Variants in PTPN4 observed in about 807,000 individuals in gnomAD.
PTPN4 encodes tyrosine-protein phosphatase non-receptor type 4.
PTPN4 carries 49 observed loss-of-function variants against 135.5 expected under a neutral mutation model. That is an observed-to-expected ratio of 0.36 (90% confidence interval 0.29 to 0.46). PTPN4 has a LOEUF of 0.46. Ranked by LOEUF, PTPN4 falls within the 20% of genes least tolerant of loss-of-function variation. The probability of loss-of-function intolerance (pLI) is 1.00; values close to 1 mark genes in which losing one functional copy is unlikely to be tolerated. For synonymous variants in PTPN4, 333 were observed against 369.9 expected (o/e 0.90, Z 1.14); for missense variants, 860 against 1,101.0 (o/e 0.78, Z 3.10).
At chr2:119,938,984 A>T (rs1679025347) in intron 15 of PTPN4, among the ~76,000 whole-genome samples, 1 of 152,226 alleles carries the variant, frequency 6.6e-6, no homozygotes, top group African/African-American at 2.4e-5. Flanking sequence ...ACGTGGTTCC[A>T]CTACTTCTAA....
intron 1 of PTPN4, among the ~76,000 whole-genome samples, chr2:119,798,147 A>G (rs1247911517): frequency 6.6e-6 from 1 of 151,770 alleles, no homozygotes; most frequent in Non-Finnish European, 1.5e-5. Flanking sequence ...TTATACATAT[A>G]TACCAATTTT....
intron 2 of PTPN4, among the ~76,000 whole-genome samples, chr2:119,845,215 A>C (rs1426775193): frequency 1.0e-5 from 1 of 95,630 alleles, no homozygotes; most frequent in Non-Finnish European, 2.0e-5. Context: ...TCGGCTCCGC[A>C]TGAGAGGGAG....
chr2:119,976,813 CTG>C (rs1159487743), intron 26 of PTPN4, 169 bp from the exon 27 acceptor site: 25 of 1,198,588 alleles, frequency 2.1e-5, no homozygotes, highest in Non-Finnish European at 4.3e-6. Context: ...TATTGCCAAA[CTG>C]TATTTTTTAA....
chr2:119,808,171 A>G (rs9671110), intron 1 of PTPN4, among the ~76,000 whole-genome samples: 6 of 152,360 alleles, frequency 3.9e-5, no homozygotes, highest in African/African-American at 1.4e-4. Flanking sequence ...GGCACAAGAC[A>G]GGGATGCCCT....
At chr2:119,851,923 C>T (rs1677598530) in intron 2 of PTPN4, among the ~76,000 whole-genome samples, 1 of 152,184 alleles carries the variant, frequency 6.6e-6, no homozygotes, top group Admixed American at 6.5e-5. Context: ...TGCCTAACTA[C>T]CTGTAACACT....
Position 119,915,177 on chromosome 2 carries a change from A to G in PTPN4, c.765-2A>G. 6.5e-7 allele frequency: 1 copy of G among 1,529,152 alleles called. No homozygotes were observed. The highest frequency in any genetic ancestry group is 2.4e-5 in the Admixed American group (1 of 42,464). The allele number at this position is 1,529,152 out of a possible 1,614,324, so 94.7% of individuals were successfully genotyped here. On this transcript the variant is annotated splice_acceptor_variant, in intron 10 of 26. Transcript: ENST00000263708. LOFTEE classifies it high-confidence loss of function. ...TTGAATAATTTATTGTCTTTTGTCC[A>G]GGTTGAAGATTGTAAAAATTTCTTT...
chr2:119,900,308 A>G (rs1037244216), intron 9 of PTPN4, among the ~76,000 whole-genome samples: 3 of 152,052 alleles, frequency 2.0e-5, no homozygotes, highest in Non-Finnish European at 4.4e-5. Context: ...CAAACTCTGA[A>G]TTCCTCCATG....
intron 10 of PTPN4, among the ~76,000 whole-genome samples, chr2:119,910,866 C>T (rs1215818547): frequency 6.6e-6 from 1 of 151,978 alleles, no homozygotes; most frequent in African/African-American, 2.4e-5. Context: ...TACCCAGTCT[C>T]GGGCATGTCT....
At chr2:119,797,547 G>A (rs1011863101) in intron 1 of PTPN4, among the ~76,000 whole-genome samples, 30 of 152,176 alleles carry the variant, frequency 2.0e-4, no homozygotes, top group African/African-American at 7.0e-4. Flanking sequence ...TTCTGTAGAT[G>A]TCCTTTATCA....
At chr2:119,971,623 TTC>T (rs1403390085) in intron 26 of PTPN4, among the ~76,000 whole-genome samples, 3 of 152,346 alleles carry the variant, frequency 2.0e-5, no homozygotes, top group African/African-American at 7.2e-5. Context: ...CATTTTCTCT[TTC>T]TGTTTTCTTG....
At position 119,952,068 on chromosome 2, in the gene PTPN4, G is replaced by A; in HGVS notation, c.1752G>A (p.Leu584=). 1 of 1,613,452 alleles carries A rather than the reference G, an allele frequency of 6.2e-7. No individual in the cohort carries two copies. Residue 584 remains leucine (L), a synonymous_variant, in exon 19 of 27, where the codon CTG becomes CTA. Transcript: ENST00000263708. The part of the protein sequence containing the change: ...IAEHTHDQVV[L]FIKASCERHS... ...AACACACTCATGATCAGGTTGTGCT[G>A]TTTATTAAAGCTAGTTGTGAGAGAC...
rs1234179652 is a variant in PTPN4 at position 119,932,532 on chromosome 2, A to G, written c.1179A>G (p.Pro393=). Residue 393 remains proline, a synonymous_variant, in exon 14 of 27, where the codon CCA becomes CCG. Transcript: ENST00000263708. ...CACAAAGTCTTCCATCACGATCTCC[A>G]CCGGGAACTCCTAATCAGTAAGTGT... ...LETQSLPSRS[P]PGTPNHRNST... 4.3e-6 allele frequency: 7 copies of G among 1,610,788 alleles called. No individual in the cohort carries two copies. The highest frequency in any genetic ancestry group is 5.1e-6 in the Non-Finnish European group (6 of 1,178,304).
Position 119,833,931 on chromosome 2 carries a change from C to G in PTPN4, c.138+23940C>G, listed in dbSNP as rs544684198. 2.0e-5 allele frequency among the ~76,000 whole-genome samples: 3 copies of G among 152,300 alleles called. No homozygotes were observed. In the East Asian group the frequency reaches 5.8e-4, roughly 29 times the overall value. On this transcript the variant is annotated intron_variant, in intron 2 of 26. Transcript: ENST00000263708. ...GGGAAAGACTTAGTTCTGTATCTCA[C>G]CTTATTTAGGCCCAAGGCCTGCACA... is the stretch of plus-strand genomic sequence containing the variant.
chr2:119,965,778 G>A (rs1679437174), intron 25 of PTPN4, 133 bp downstream of exon 25: 3 of 1,021,566 alleles, frequency 2.9e-6, no homozygotes, highest in Non-Finnish European at 4.2e-6. Flanking sequence ...TCTGAAGGTA[G>A]GAGGCAAAGG....
At chr2:119,858,905 A>C (rs1229782725) in intron 2 of PTPN4, among the ~76,000 whole-genome samples, 1 of 152,110 alleles carries the variant, frequency 6.6e-6, no homozygotes, top group Non-Finnish European at 1.5e-5. Context: ...AAGTGCTGGG[A>C]TTACAGGTGT....
At chr2:119,913,157 A>G (rs1026000545) in intron 10 of PTPN4, among the ~76,000 whole-genome samples, 5 of 152,120 alleles carry the variant, frequency 3.3e-5, no homozygotes, top group African/African-American at 1.2e-4. Flanking sequence ...GCTGGTGAGA[A>G]TTATGTTGCT....
chr2:119,779,659 C>T (rs1018189964), intron 1 of PTPN4, among the ~76,000 whole-genome samples: 7 of 150,164 alleles, frequency 4.7e-5, no homozygotes, highest in African/African-American at 7.3e-5. Context: ...GATACTTTTT[C>T]GGTGGGTAAT....
chr2:119,825,305 T>A (rs1475262677), intron 2 of PTPN4, among the ~76,000 whole-genome samples: 2 of 152,176 alleles, frequency 1.3e-5, no homozygotes, highest in African/African-American at 4.8e-5. Flanking sequence ...TATTAATATC[T>A]ATGAAGTAAT....
In PTPN4 at chr2:119,983,146, C is replaced by T. The variant is rs1231475456; in HGVS notation, c.*6076C>T. On this transcript the variant is annotated 3_prime_UTR_variant, in exon 27 of 27. Coordinates refer to ENST00000263708, the MANE Select transcript of PTPN4 (RefSeq NM_002830.4). ...TCTTCTTTCATGAACTTTGCTATAACTGTTGAAAGGATTGGTGTCAGGCTC... is the reference window on the plus strand; with the variant it reads ...TCTTCTTTCATGAACTTTGCTATAATTGTTGAAAGGATTGGTGTCAGGCTC... The T allele has an allele frequency of 1.3e-5, 2 of 152,146 alleles. No individual in the cohort carries two copies. Among genetic ancestry groups the T allele is most frequent in the African/African-American group, 2.4e-5 (1 of 41,408 alleles). The allele number at this position is 152,146 out of a possible 1,614,324, so 9.4% of individuals were successfully genotyped here.
Sources: gnomAD v4.1 joint callset for allele counts (sites outside exome capture counted in the v4.1 genomes callset) on GRCh38, gnomAD v4.1.1 for gene constraint, MANE v1.5 for transcripts, NCBI Gene and HGNC (gene_info 2026-07-23, HGNC 2026-07-21) for gene names.